CDH13: variants seen among roughly 807,000 people sequenced by gnomAD.
CDH13 encodes cadherin 13.
A neutral mutation model predicts 63.8 loss-of-function variants in CDH13; 24 were observed. The ratio of observed to expected loss-of-function variants is 0.38; its 90% CI spans 0.27 to 0.53. CDH13 has a LOEUF of 0.53. Among genes scored for constraint, CDH13 ranks in the 20% least tolerant of loss-of-function variants. The probability of loss-of-function intolerance (pLI) is 0.85; values close to 1 mark genes in which losing one functional copy is unlikely to be tolerated. For synonymous variants in CDH13, 503 were observed against 355.3 expected (o/e 1.42, Z -4.67); for missense variants, 1,049 against 903.1 (o/e 1.16, Z -2.07).
intron 8 of CDH13, among the ~76,000 whole-genome samples, chr16:83,650,501 C>G (rs1388385830): frequency 1.3e-5 from 2 of 152,160 alleles, no homozygotes; most frequent in Non-Finnish European, 2.9e-5. Context: ...TGTAGGGAGA[C>G]CTGACACACA....
chr16:83,516,485 G>C (rs2074701357), intron 7 of CDH13, among the ~76,000 whole-genome samples: 1 of 152,200 alleles, frequency 6.6e-6, no homozygotes, highest in Admixed American at 6.5e-5. Flanking sequence ...ATGGAACTAA[G>C]TGTTACAGAA....
chr16:82,694,992 A>C (rs2030085342), intron 1 of CDH13, among the ~76,000 whole-genome samples: 1 of 152,138 alleles, frequency 6.6e-6, no homozygotes, highest in African/African-American at 2.4e-5. Context: ...ATAATGGTGC[A>C]TGTGTGTGGG....
At position 82,883,705 on chromosome 16, in the gene CDH13, C is replaced by T. The variant is rs78257969; in HGVS notation, c.157+25232C>T. Among the ~76,000 whole-genome samples, 7 of 152,288 alleles carry T rather than the reference C, an allele frequency of 4.6e-5. No individual in the cohort carries two copies. The East Asian group carries it at 9.6e-4, about 21-fold the overall frequency. ...AGCTGCTGTGAGGATTAGCTGAGCTCGTGCCCAGAATGGAGCAGCCTCTAA... is the reference window on the plus strand; with the variant it reads ...AGCTGCTGTGAGGATTAGCTGAGCTTGTGCCCAGAATGGAGCAGCCTCTAA... On this transcript the variant is annotated intron_variant, in intron 2 of 13. Transcript: ENST00000567109.
intron 5 of CDH13, among the ~76,000 whole-genome samples, chr16:83,301,024 G>GTTTT (rs1567574870): frequency 1.1e-3 from 58 of 53,960 alleles, no homozygotes; most frequent in East Asian, 2.4e-3. Flanking sequence ...AACTTTCTGG[G>GTTTT]GTTTTTTTTT....
intron 5 of CDH13, among the ~76,000 whole-genome samples, chr16:83,313,603 G>A (rs1310110866): frequency 6.7e-6 from 1 of 149,472 alleles, no homozygotes; most frequent in East Asian, 2.0e-4. Context: ...TTTTGACATG[G>A]GCAGTGCCAA....
intron 1 of CDH13, among the ~76,000 whole-genome samples, chr16:82,685,954 C>A (rs897077710): frequency 1.8e-4 from 27 of 152,156 alleles, no homozygotes; most frequent in Non-Finnish European, 3.5e-4. Flanking sequence ...GTGGTTAAAT[C>A]ATGATGAATA....
chr16:82,627,331 G>GGAGT (rs201022587), intron 1 of CDH13, among the ~76,000 whole-genome samples, 194 bp downstream of exon 1: 1 of 129,134 alleles, frequency 7.7e-6, no homozygotes, highest in Non-Finnish European at 1.7e-5. Flanking sequence ...CTCCCACTCT[G>GGAGT]GCGTGCGTGT....
intron 1 of CDH13, among the ~76,000 whole-genome samples, chr16:82,755,751 C>T (rs983159940): frequency 3.3e-5 from 5 of 152,160 alleles, no homozygotes; most frequent in African/African-American, 7.2e-5. Flanking sequence ...AACTAGAATC[C>T]GTTGTGGCGG....
chr16:82,724,644 G>A (rs931637569), intron 1 of CDH13, among the ~76,000 whole-genome samples: 2 of 152,228 alleles, frequency 1.3e-5, no homozygotes, highest in Admixed American at 1.3e-4. Flanking sequence ...GTGTGCACAT[G>A]TGTGAAGATG....
chr16:82,755,413 G>T (rs531453728), intron 1 of CDH13, among the ~76,000 whole-genome samples: 1 of 152,336 alleles, frequency 6.6e-6, no homozygotes, highest in African/African-American at 2.4e-5. Context: ...TTAGAAAAGG[G>T]AGTGCACAGG....
chr16:83,207,863 C>T (rs776140171), intron 4 of CDH13, among the ~76,000 whole-genome samples: 4 of 151,872 alleles, frequency 2.6e-5, no homozygotes, highest in African/African-American at 9.7e-5. Flanking sequence ...CATTGACTTC[C>T]TTAGAGCTCA....
At position 82,666,585 on chromosome 16, in the gene CDH13, C is replaced by T. The variant is rs550261883; in HGVS notation, c.45+39448C>T. ...TTGCATTGGAATCTGGGATGTCTGACATAACAACAACTACTACTATTTTTT... is the reference window on the plus strand; with the variant it reads ...TTGCATTGGAATCTGGGATGTCTGATATAACAACAACTACTACTATTTTTT... On this transcript the variant is annotated intron_variant, in intron 1 of 13. Transcript: ENST00000567109. Among the ~76,000 whole-genome samples, 5 of 152,320 alleles carry T rather than the reference C, an allele frequency of 3.3e-5. No individual in the cohort carries two copies. In the South Asian group the frequency reaches 1.0e-3, roughly 32 times the overall value.
At chr16:83,411,213 T>G (rs753932086) in intron 6 of CDH13, among the ~76,000 whole-genome samples, 27 of 152,210 alleles carry the variant, frequency 1.8e-4, no homozygotes, top group Non-Finnish European at 3.1e-4. Flanking sequence ...AATCTCTGCA[T>G]AGCTGAGACC....
chr16:83,246,387 G>T (rs1017870625), intron 5 of CDH13, among the ~76,000 whole-genome samples: 2 of 152,058 alleles, frequency 1.3e-5, no homozygotes, highest in Non-Finnish European at 2.9e-5. Flanking sequence ...CATTTGCAAA[G>T]ATCACATTCC....
chr16:83,000,740 C>A (rs904395411), intron 2 of CDH13, among the ~76,000 whole-genome samples: 1 of 151,806 alleles, frequency 6.6e-6, no homozygotes, highest in Non-Finnish European at 1.5e-5. Flanking sequence ...CCACCATGCC[C>A]GGCTAATTTT....
At chr16:82,792,429 T>C (rs903401208) in intron 1 of CDH13, among the ~76,000 whole-genome samples, 4 of 152,188 alleles carry the variant, frequency 2.6e-5, no homozygotes, top group African/African-American at 4.8e-5. Flanking sequence ...GATCAATTCA[T>C]TACCCAGAAA....
At chr16:82,798,777 C>A (rs1251416516) in intron 1 of CDH13, among the ~76,000 whole-genome samples, 1 of 152,050 alleles carries the variant, frequency 6.6e-6, no homozygotes, top group East Asian at 1.9e-4. Context: ...TGTCTTTGCT[C>A]CGTTAAGACG....
At position 82,710,576 on chromosome 16, in the gene CDH13, T is replaced by TATATATATAA. The variant is rs1491551033; in HGVS notation, c.45+83440_45+83441insTATATATAAA. Among the ~76,000 whole-genome samples the TATATATATAA allele has an allele frequency of 2.0e-4, 23 of 117,632 alleles. 1 individual carries two copies. The highest frequency in any genetic ancestry group is 1.9e-3 in the East Asian group (8 of 4,236). 77.2% of individuals were successfully genotyped at this position (117,632 alleles called of 152,430 possible). ...AAATATATATATATATATATATATA[T>TATATATATAA]AAATATATTTCTATATTTATAAAAT... On this transcript the variant is annotated intron_variant, in intron 1 of 13. Coordinates refer to ENST00000567109, the MANE Select transcript of CDH13 (RefSeq NM_001257.5).
intron 1 of CDH13, among the ~76,000 whole-genome samples, chr16:82,806,647 G>C (rs1043107829): frequency 2.6e-5 from 4 of 152,088 alleles, no homozygotes; most frequent in African/African-American, 9.7e-5. Flanking sequence ...GTTGAATAAT[G>C]GTGGGATTTT....
Sources: gnomAD v4.1 joint callset for allele counts (sites outside exome capture counted in the v4.1 genomes callset) on GRCh38, gnomAD v4.1.1 for gene constraint, MANE v1.5 for transcripts, NCBI Gene and HGNC (gene_info 2026-07-23, HGNC 2026-07-21) for gene names.